Variants in SPECC1 observed in about 807,000 individuals in gnomAD.
The protein encoded by SPECC1 is sperm antigen with calponin homology and coiled-coil domains 1.
A neutral mutation model predicts 104.1 loss-of-function variants in SPECC1; 62 were observed. That is an observed-to-expected ratio of 0.60 (90% CI 0.49 to 0.74). The LOEUF is 0.74. Ranked by LOEUF, SPECC1 falls within the 30% of genes least tolerant of loss-of-function variation. The probability of loss-of-function intolerance (pLI) is 0.00; values close to 1 mark genes in which losing one functional copy is unlikely to be tolerated. For synonymous variants in SPECC1, 513 were observed against 501.6 expected (o/e 1.02, Z -0.30); for missense variants, 1,306 against 1,310.5 (o/e 1.00, Z 0.05).
chr17:20,093,910 T>G (rs1484753371), intron 1 of SPECC1, among the ~76,000 whole-genome samples: 2 of 151,948 alleles, frequency 1.3e-5, no homozygotes, highest in Non-Finnish European at 2.9e-5. Context: ...TTTTGTATTT[T>G]TAGTGAGACA....
intron 12 of SPECC1, among the ~76,000 whole-genome samples, chr17:20,276,237 C>T (rs1258757394): frequency 6.6e-6 from 1 of 152,144 alleles, no homozygotes; most frequent in Non-Finnish European, 1.5e-5. Flanking sequence ...TTTTCTTAGC[C>T]TCCTAAGTAG....
intron 2 of SPECC1, among the ~76,000 whole-genome samples, chr17:20,104,027 G>A (rs2048068059): frequency 1.3e-5 from 2 of 152,196 alleles, no homozygotes; most frequent in Admixed American, 6.5e-5. Flanking sequence ...GCTATGAGTG[G>A]TGGCATTTCT....
At chr17:20,197,379 G>A (rs1057284643) in intron 3 of SPECC1, among the ~76,000 whole-genome samples, 3 of 152,174 alleles carry the variant, frequency 2.0e-5, no homozygotes, top group African/African-American at 4.8e-5. Context: ...GACAGTCCAT[G>A]GAGGAGAAGA....
rs114254354 is a variant in SPECC1, at chr17:20,308,885, A to G, written c.3117+2803A>G. 4.7e-3 allele frequency among the ~76,000 whole-genome samples: 719 copies of G among 152,374 alleles called. 6 individuals are homozygous for G. The highest frequency in any genetic ancestry group is 0.016 in the African/African-American group (682 of 41,582). On this transcript the variant is annotated intron_variant, in intron 14 of 14. Coordinates refer to ENST00000395527, the MANE Select transcript of SPECC1 (RefSeq NM_001243439.2). ...TACAATGAGACCTTGTTGGAAGATT[A>G]TATTTTACACAGAATACATTTTTCT...
At chr17:20,062,013 A>C (rs570436434) in intron 1 of SPECC1, among the ~76,000 whole-genome samples, 1 of 152,170 alleles carries the variant, frequency 6.6e-6, no homozygotes, top group Non-Finnish European at 1.5e-5. Context: ...TAATCCCAGC[A>C]GTTTGGGAGG....
intron 1 of SPECC1, among the ~76,000 whole-genome samples, chr17:20,076,205 A>G (rs1456454772): frequency 6.6e-6 from 1 of 152,112 alleles, no homozygotes; most frequent in Non-Finnish European, 1.5e-5. Context: ...AATTATTACT[A>G]TATTATTCTT....
chr17:20,156,340 A>G, intron 3 of SPECC1: 1 of 1,239,608 alleles, frequency 8.1e-7, no homozygotes, highest in Non-Finnish European at 1.0e-6. Flanking sequence ...GGGGCGAGCG[A>G]AAGGCTAAGG....
At chr17:20,229,060 C>G (rs893148203) in intron 5 of SPECC1, among the ~76,000 whole-genome samples, 1 of 152,182 alleles carries the variant, frequency 6.6e-6, no homozygotes, top group Non-Finnish European at 1.5e-5. Flanking sequence ...TTCAGACATG[C>G]ACAGAGAAGT....
chr17:20,036,926 A>G (rs1441887360), intron 1 of SPECC1, among the ~76,000 whole-genome samples: 1 of 152,232 alleles, frequency 6.6e-6, no homozygotes, highest in East Asian at 1.9e-4. Context: ...CATTAAGTAT[A>G]GGTTAGCTGT....
intron 3 of SPECC1, among the ~76,000 whole-genome samples, chr17:20,139,792 A>G (rs891060939): frequency 2.0e-5 from 3 of 152,122 alleles, no homozygotes; most frequent in Non-Finnish European, 4.4e-5. Context: ...CTCCTGCCTC[A>G]GCCTACTGAG....
At position 20,098,375 on chromosome 17, in the gene SPECC1, T is replaced by A. The variant is rs1247979190; in HGVS notation, c.147+1577T>A. ...TCAACTCCAACCAATTCCCACTGCCTCCCTTGTGACCAGTTGGGTCATGCC... is the reference window on the plus strand; with the variant it reads ...TCAACTCCAACCAATTCCCACTGCCACCCTTGTGACCAGTTGGGTCATGCC... On this transcript the variant is annotated intron_variant, in intron 2 of 14. Transcript: ENST00000395527. Among the ~76,000 whole-genome samples the A allele has an allele frequency of 3.3e-5, 5 of 152,184 alleles. No individual in the cohort carries two copies. The East Asian group carries it at 9.6e-4, about 29-fold the overall frequency.
In SPECC1 at chr17:20,121,610, T is replaced by G. The variant is rs189953034; in HGVS notation, c.283+11048T>G. 2.6e-5 allele frequency among the ~76,000 whole-genome samples: 4 copies of G among 152,320 alleles called. No homozygotes were observed. The East Asian group carries it at 7.7e-4, about 29-fold the overall frequency. ...TCCCAAAGTGCTGGGATTACAGACA[T>G]GAGCCACTGCGCCTGGCCTGGATTC... On this transcript the variant is annotated intron_variant, in intron 3 of 14. Coordinates refer to ENST00000395527, the MANE Select transcript of SPECC1 (RefSeq NM_001243439.2).
chr17:20,058,114 G>T (rs1028586102), intron 1 of SPECC1, among the ~76,000 whole-genome samples: 1 of 152,030 alleles, frequency 6.6e-6, no homozygotes, highest in Non-Finnish European at 1.5e-5. Context: ...TATACTACTT[G>T]AGTGAATCAC....
At chr17:20,055,408 G>A (rs1414195812) in intron 1 of SPECC1, among the ~76,000 whole-genome samples, 2 of 152,050 alleles carry the variant, frequency 1.3e-5, no homozygotes, top group African/African-American at 4.8e-5. Context: ...TTCCACAGCA[G>A]CTGCTCCATT....
chr17:20,021,048 G>A (rs893827706), intron 1 of SPECC1, among the ~76,000 whole-genome samples: 1 of 152,144 alleles, frequency 6.6e-6, no homozygotes, highest in African/African-American at 2.4e-5. Context: ...TTAGAATAAT[G>A]TAAGCTAGAG....
At chr17:20,037,830 T>C (rs1002316257) in intron 1 of SPECC1, among the ~76,000 whole-genome samples, 1 of 152,182 alleles carries the variant, frequency 6.6e-6, no homozygotes, top group Admixed American at 6.5e-5. Context: ...CAAAATAATT[T>C]GTCGTTTTTA....
chr17:20,183,450 C>G (rs1014456910), intron 3 of SPECC1, among the ~76,000 whole-genome samples: 1 of 152,136 alleles, frequency 6.6e-6, no homozygotes, highest in Admixed American at 6.5e-5. Context: ...TGGCCCGAAT[C>G]TAGGAATACT....
In SPECC1 at chr17:20,314,258, T is replaced by C. The variant is rs999106086; in HGVS notation, c.*193T>C. On this transcript the variant is annotated 3_prime_UTR_variant, in exon 15 of 15. Transcript: ENST00000395527. ...ACGATGTACCTGTCTGAAATGCAAATGCAGCTGGACTGTAAATTGGGGACT... is the reference window on the plus strand; with the variant it reads ...ACGATGTACCTGTCTGAAATGCAAACGCAGCTGGACTGTAAATTGGGGACT... 1.6e-6 allele frequency: 1 copy of C among 608,684 alleles called. No individual in the cohort carries two copies. 37.7% of individuals were successfully genotyped at this position (608,684 alleles called of 1,614,324 possible). A position where few individuals can be genotyped will look rare whatever the true frequency, so the allele number is the denominator to read the frequency against.
chr17:20,054,356 G>A (rs150124102), intron 1 of SPECC1, among the ~76,000 whole-genome samples: 141 of 152,222 alleles, frequency 9.3e-4, no homozygotes, highest in African/African-American at 3.2e-3. Context: ...AAAAATAGCC[G>A]GTGGGTCCCA....
Sources: gnomAD v4.1 joint callset for allele counts (sites outside exome capture counted in the v4.1 genomes callset) on GRCh38, gnomAD v4.1.1 for gene constraint, MANE v1.5 for transcripts, NCBI Gene and HGNC (gene_info 2026-07-23, HGNC 2026-07-21) for gene names.